The following RASGRP3 variants were observed in gnomAD, a reference collection of about 807,000 sequenced individuals.
RASGRP3 encodes the protein ras guanyl-releasing protein 3.
RASGRP3 carries 54 observed loss-of-function variants against 82.7 expected under a neutral mutation model. The observed-to-expected ratio is 0.65, with a 90% CI of 0.52 to 0.82. The LOEUF (loss-of-function observed/expected upper bound fraction) is 0.82. Ranked by LOEUF, RASGRP3 falls within the 40% of genes least tolerant of loss-of-function variation. The pLI, the probability that RASGRP3 is intolerant of heterozygous loss-of-function variation, is 0.00. For missense variants in RASGRP3, 861 were observed against 828.9 expected (o/e 1.04, Z -0.48); for synonymous variants, 309 against 300.5 (o/e 1.03, Z -0.29).
intron 11 of RASGRP3, among the ~76,000 whole-genome samples, chr2:33,534,796 G>A (rs1673446511): frequency 2.0e-5 from 3 of 151,254 alleles, no homozygotes; most frequent in Admixed American, 6.6e-5. Flanking sequence ...GCTTGCCGTG[G>A]CCATTACAGG....
intron 2 of RASGRP3, among the ~76,000 whole-genome samples, chr2:33,470,580 C>T (rs1398984408): frequency 6.6e-5 from 10 of 151,922 alleles, no homozygotes; most frequent in Admixed American, 3.3e-4. Context: ...AGGGTTTCAC[C>T]GTGTTAGCCA....
At chr2:33,444,682 T>A (rs903715773) in intron 1 of RASGRP3, among the ~76,000 whole-genome samples, 1 of 152,234 alleles carries the variant, frequency 6.6e-6, no homozygotes, top group African/African-American at 2.4e-5. Flanking sequence ...ATTGAATAGT[T>A]GAATAGCAAG....
chr2:33,483,538 G>T (rs1332772503), intron 1 of RASGRP3, among the ~76,000 whole-genome samples: 1 of 142,990 alleles, frequency 7.0e-6, no homozygotes, highest in Non-Finnish European at 1.5e-5. Context: ...ACCCAGGCTG[G>T]AGTGCAGTGG....
rs1324673487 is a variant in RASGRP3, at chr2:33,520,863, A to G, written c.368+179A>G. Among the ~76,000 whole-genome samples, 4 of 152,272 alleles carry G rather than the reference A, an allele frequency of 2.6e-5. No homozygotes were observed. The East Asian group carries it at 7.7e-4, about 29-fold the overall frequency. On this transcript the variant is annotated intron_variant, in intron 6 of 17. Transcript: ENST00000403687. ...GACACAGCTCATCTCTCCAAGCTTC[A>G]GTTTTTTTTATTTGTAAAATGTGGA...
rs149933248 is a variant in RASGRP3, at chr2:33,562,801, T to A, written c.*64T>A. 1 of 1,571,604 alleles carries A rather than the reference T, an allele frequency of 6.4e-7. No individual in the cohort carries two copies. Among genetic ancestry groups the A allele is most frequent in the East Asian group, 2.2e-5 (1 of 44,658 alleles). On this transcript the variant is annotated 3_prime_UTR_variant, in exon 18 of 18. Coordinates refer to ENST00000403687, the MANE Select transcript of RASGRP3 (RefSeq NM_001139488.2). ...TTGGAAGGGGCAAGACGAGAAACTC[T>A]GAAGAAAGCTCTGACTCTCAGGAAG...
chr2:33,457,754 G>A (rs1282165437), intron 2 of RASGRP3, among the ~76,000 whole-genome samples: 1 of 151,644 alleles, frequency 6.6e-6, no homozygotes, highest in Non-Finnish European at 1.5e-5. Flanking sequence ...GACTGATTGG[G>A]GAACGAGAAT....
At position 33,480,806 on chromosome 2, in the gene RASGRP3, G is replaced by A. The variant is rs182296942; in HGVS notation, c.-261+4099G>A. Among the ~76,000 whole-genome samples, 51 of 152,246 alleles carry A rather than the reference G, an allele frequency of 3.3e-4. 2 individuals are homozygous for A. In the East Asian group the frequency reaches 4.8e-3, roughly 14 times the overall value. ...ACAGCTCCTGTGTCATGTTTCCACT[G>A]CTCTATGGGATTTGAAGTCTTTGGA... On this transcript the variant is annotated intron_variant, in intron 1 of 17. Transcript: ENST00000403687.
intron 13 of RASGRP3, among the ~76,000 whole-genome samples, chr2:33,547,712 G>A (rs1051437348): frequency 3.9e-5 from 6 of 152,128 alleles, no homozygotes; most frequent in Non-Finnish European, 5.9e-5. Context: ...AGCAAACTCT[G>A]GTGGGAACTC....
intron 8 of RASGRP3, 23 bp downstream of exon 8, chr2:33,524,075 GT>G: frequency 6.2e-7 from 1 of 1,606,814 alleles, no homozygotes; most frequent in Non-Finnish European, 8.5e-7. Context: ...ATCAGACTGG[GT>G]TCTTGAGTTC....
rs538912382 is a variant in RASGRP3 at position 33,453,601 on chromosome 2, A to G, written c.-261+5658A>G. ...GAGAGATTCAAGAAACCAAGATGAA[A>G]GATGCAAGGTTTTTTATGACCTTGC... On this transcript the variant is annotated intron_variant, in intron 2 of 18. Coordinates refer to the RASGRP3 transcript ENST00000402538. 4.6e-5 allele frequency among the ~76,000 whole-genome samples: 7 copies of G among 152,308 alleles called. No individual in the cohort carries two copies. In the South Asian group the frequency reaches 1.5e-3, roughly 32 times the overall value.
At chr2:33,480,190 C>G (rs1404744105) in intron 1 of RASGRP3, among the ~76,000 whole-genome samples, 1 of 151,904 alleles carries the variant, frequency 6.6e-6, no homozygotes, top group East Asian at 1.9e-4. Flanking sequence ...CTACAGGCGC[C>G]CGCCACCATG....
At chr2:33,441,497 G>C (rs1453708403) in intron 1 of RASGRP3, among the ~76,000 whole-genome samples, 2 of 152,160 alleles carry the variant, frequency 1.3e-5, no homozygotes, top group Non-Finnish European at 2.9e-5. Context: ...AGCTCTTTAG[G>C]AATCTCTAAA....
At position 33,505,157 on chromosome 2, in the gene RASGRP3, C is replaced by T. The variant is rs538205868; in HGVS notation, c.-260-6553C>T. ...TCACCATCATCATCATCATCATCAC[C>T]ACCACCACCACCACCACCACCATTA... On this transcript the variant is annotated intron_variant, in intron 1 of 17. Coordinates refer to ENST00000403687, the MANE Select transcript of RASGRP3 (RefSeq NM_001139488.2). Among the ~76,000 whole-genome samples the T allele has an allele frequency of 4.0e-4, 61 of 151,738 alleles. No homozygotes were observed. The East Asian group carries it at 0.011, about 27-fold the overall frequency.
At chr2:33,550,142 T>A (rs1442881259) in intron 14 of RASGRP3, among the ~76,000 whole-genome samples, 1 of 152,196 alleles carries the variant, frequency 6.6e-6, no homozygotes, top group Non-Finnish European at 1.5e-5. Context: ...CAGAAATCCG[T>A]CATGGCATGG....
At chr2:33,530,851 C>T (rs969321575) in intron 10 of RASGRP3, 1 of 95,588 alleles carries the variant, frequency 1.0e-5, no homozygotes, top group Non-Finnish European at 2.1e-5. Flanking sequence ...TTGTATTGTT[C>T]CTTCCTTTCA....
At position 33,558,819 on chromosome 2, in the gene RASGRP3, C is replaced by A; in HGVS notation, c.1853C>A (p.Pro618His). 1 of 1,614,028 alleles carries A rather than the reference C, an allele frequency of 6.2e-7. No individual in the cohort carries two copies. Among genetic ancestry groups the A allele is most frequent in the South Asian group, 1.1e-5 (1 of 91,080 alleles). Reference protein sequence around the residue: ...ATTSQATQTEPVWSEAGWGDS... With the variant: ...ATTSQATQTEHVWSEAGWGDS... ...ACCAGCCAGGCCACCCAGACTGAAC[C>A]TGTCTGGTCAGAGGCTGGCTGGGGG... is the stretch of plus-strand genomic sequence containing the variant. Residue 618 changes from proline to histidine, a missense_variant, in exon 17 of 18, where the codon CCT (proline) becomes CAT (histidine). Pro to His is a moderately conservative substitution (Grantham distance 77). Transcript: ENST00000403687.
chr2:33,527,554 C>A, intron 10 of RASGRP3, 142 bp downstream of exon 10: 4 of 917,832 alleles, frequency 4.4e-6, no homozygotes, highest in East Asian at 2.7e-5. Context: ...TCTCATAGAA[C>A]AAGGGAAAAG....
chr2:33,520,741 G>A, intron 6 of RASGRP3, 57 bp downstream of exon 6: 2 of 1,595,810 alleles, frequency 1.3e-6, no homozygotes, highest in Non-Finnish European at 1.7e-6. Context: ...AGGGGAGGAA[G>A]TAGTGATCAC....
chr2:33,564,323 A>G lies in RASGRP3; in HGVS notation c.*1586A>G, dbSNP rs1460336879. On this transcript the variant is annotated 3_prime_UTR_variant, in exon 18 of 18. Transcript: ENST00000403687. ...GATTTACAGATTGGAAATACTGCAGATGATGTGAAGTTATCAGTTGGAGGA... is the reference window on the plus strand; with the variant it reads ...GATTTACAGATTGGAAATACTGCAGGTGATGTGAAGTTATCAGTTGGAGGA... 1 of 152,066 alleles carries G rather than the reference A, an allele frequency of 6.6e-6. No individual in the cohort carries two copies. Among genetic ancestry groups the G allele is most frequent in the East Asian group, 1.9e-4 (1 of 5,186 alleles). 9.4% of individuals were successfully genotyped at this position (152,066 alleles called of 1,614,324 possible).
Sources: gnomAD v4.1 joint callset for allele counts (sites outside exome capture counted in the v4.1 genomes callset) on GRCh38, gnomAD v4.1.1 for gene constraint, MANE v1.5 for transcripts, NCBI Gene and HGNC (gene_info 2026-07-23, HGNC 2026-07-21) for gene names.